Variants in PPARGC1A observed in about 807,000 individuals in gnomAD.
PPARGC1A encodes peroxisome proliferator-activated receptor gamma coactivator 1-alpha.
A neutral mutation model predicts 88.7 loss-of-function variants in PPARGC1A; 25 were observed. That is an observed-to-expected ratio of 0.28 (90% CI 0.21 to 0.39). The LOEUF is 0.39. Ranked by LOEUF, PPARGC1A falls within the 10% of genes least tolerant of loss-of-function variation. The pLI is 1.00. For synonymous variants in PPARGC1A, 363 were observed against 355.6 expected (o/e 1.02, Z -0.24); for missense variants, 880 against 968.7 (o/e 0.91, Z 1.22).
At chr4:24,287,411 C>T in the PPARGC1A span, among the ~76,000 whole-genome samples, 55,195 of 151,866 alleles carry the variant, frequency 0.36, 11,470 homozygotes, top group Non-Finnish European at 0.48. Context: ...ATGTTTAAGC[C>T]ACTTAATATT....
the PPARGC1A span, among the ~76,000 whole-genome samples, chr4:24,342,155 T>A: frequency 6.6e-6 from 1 of 152,336 alleles, no homozygotes; most frequent in East Asian, 1.9e-4. Flanking sequence ...TCCTGTTTCT[T>A]TTATGTGCCG....
the PPARGC1A span, among the ~76,000 whole-genome samples, chr4:24,021,649 T>A: frequency 6.6e-6 from 1 of 152,196 alleles, no homozygotes; most frequent in Non-Finnish European, 1.5e-5. Flanking sequence ...CAAGCTAGGT[T>A]ATCTTGGGCA....
the PPARGC1A span, among the ~76,000 whole-genome samples, chr4:24,227,451 A>C: frequency 3.9e-5 from 6 of 152,232 alleles, no homozygotes; most frequent in Non-Finnish European, 8.8e-5. Context: ...CGAATATAGA[A>C]TAACACCAAG....
chr4:24,466,133 CA>C, the PPARGC1A span, among the ~76,000 whole-genome samples: 3 of 152,112 alleles, frequency 2.0e-5, no homozygotes. Context: ...CCATTCAAAC[CA>C]AAAAGAATGG....
the PPARGC1A span, among the ~76,000 whole-genome samples, chr4:24,120,151 A>G: frequency 2.0e-5 from 3 of 152,168 alleles, no homozygotes; most frequent in African/African-American, 7.2e-5. Flanking sequence ...ACTAATTTTT[A>G]GTGAGGAAAC....
intron 2 of PPARGC1A, among the ~76,000 whole-genome samples, chr4:23,843,208 G>T (rs933614757): frequency 9.2e-5 from 14 of 151,956 alleles, no homozygotes; most frequent in African/African-American, 3.4e-4. Flanking sequence ...GATTCTTAAG[G>T]ATTTTCTTCT....
At chr4:24,005,467 C>T in the PPARGC1A span, among the ~76,000 whole-genome samples, 175 of 152,290 alleles carry the variant, frequency 1.1e-3, no homozygotes, top group African/African-American at 4.0e-3. Flanking sequence ...CCTTGAAAGT[C>T]TGCTAATCTG....
the PPARGC1A span, among the ~76,000 whole-genome samples, chr4:24,034,679 A>T: frequency 6.6e-6 from 1 of 152,214 alleles, no homozygotes; most frequent in Non-Finnish European, 1.5e-5. Context: ...TTATAATAAC[A>T]TACTAGTGTG....
chr4:23,923,465 A>T, the PPARGC1A span, among the ~76,000 whole-genome samples: 591 of 152,286 alleles, frequency 3.9e-3, 3 homozygotes, highest in African/African-American at 0.014. Context: ...CAGTGACAGC[A>T]TGCTAGTAGA....
the PPARGC1A span, among the ~76,000 whole-genome samples, chr4:23,948,051 CTTCTGAA>C: frequency 6.6e-6 from 1 of 152,094 alleles, no homozygotes; most frequent in Admixed American, 6.6e-5. Flanking sequence ...GTTCGCATGC[CTTCTGAA>C]TTCTTATCAG....
chr4:24,120,270 G>A, the PPARGC1A span, among the ~76,000 whole-genome samples: 2 of 152,076 alleles, frequency 1.3e-5, no homozygotes, highest in African/African-American at 4.8e-5. Flanking sequence ...GAGGAGCTAA[G>A]CCCCCAGACA....
the PPARGC1A span, among the ~76,000 whole-genome samples, chr4:23,965,355 G>T: frequency 3.3e-5 from 5 of 152,132 alleles, no homozygotes; most frequent in African/African-American, 7.2e-5. Flanking sequence ...TACCACTAAT[G>T]CTTGACACTA....
chr4:24,421,789 T>C, the PPARGC1A span, among the ~76,000 whole-genome samples: 1 of 152,208 alleles, frequency 6.6e-6, no homozygotes, highest in Non-Finnish European at 1.5e-5. Context: ...AGCTGTCTTG[T>C]GGTGTGCATA....
At chr4:24,430,029 T>G in the PPARGC1A span, among the ~76,000 whole-genome samples, 1 of 152,080 alleles carries the variant, frequency 6.6e-6, no homozygotes, top group Non-Finnish European at 1.5e-5. Context: ...AAGAACCTGA[T>G]GAGGAAGATT....
At chr4:24,234,678 G>A in the PPARGC1A span, among the ~76,000 whole-genome samples, 4 of 152,254 alleles carry the variant, frequency 2.6e-5, no homozygotes, top group East Asian at 5.8e-4. Flanking sequence ...CACTACTGTG[G>A]TTATGTGCTA....
the PPARGC1A span, among the ~76,000 whole-genome samples, chr4:24,271,871 T>C: frequency 1.3e-5 from 2 of 152,140 alleles, no homozygotes; most frequent in African/African-American, 2.4e-5. Context: ...TACATCTATG[T>C]ATTGAGATAG....
At chr4:24,191,439 G>A in the PPARGC1A span, among the ~76,000 whole-genome samples, 2 of 152,196 alleles carry the variant, frequency 1.3e-5, no homozygotes, top group Non-Finnish European at 2.9e-5. Flanking sequence ...GGTCTGTCTA[G>A]TTCCTAAGCC....
the PPARGC1A span, among the ~76,000 whole-genome samples, chr4:24,065,841 A>T: frequency 6.6e-6 from 1 of 152,198 alleles, no homozygotes; most frequent in Non-Finnish European, 1.5e-5. Context: ...CTGTTCATTC[A>T]TCACACAGTT....
the PPARGC1A span, among the ~76,000 whole-genome samples, chr4:23,947,400 A>ATATATATATAT: frequency 4.5e-5 from 1 of 22,058 alleles, no homozygotes; most frequent in Non-Finnish European, 8.5e-5. Context: ...TATATATAAA[A>ATATATATATAT]AAAACGGTGA....
Sources: allele counts gnomAD v4.1 joint callset (sites outside exome capture counted in the v4.1 genomes callset), GRCh38; gene constraint gnomAD v4.1.1; transcripts MANE v1.5; gene names NCBI Gene and HGNC (gene_info 2026-07-23, HGNC 2026-07-21).